The following SDHAF4 variants were observed in gnomAD, a reference collection of about 807,000 sequenced individuals.
SDHAF4 encodes succinate dehydrogenase complex assembly factor 4.
SDHAF4 carries 14 observed loss-of-function variants against 14.3 expected under a neutral mutation model. The ratio of observed to expected loss-of-function variants is 0.98; its 90% CI spans 0.65 to 1.53. The LOEUF is 1.53. Ranked by LOEUF, SDHAF4 falls within the 40% of genes most tolerant of loss-of-function variation. The pLI is 0.00. For missense variants in SDHAF4, 141 were observed against 129.3 expected (o/e 1.09, Z -0.44); for synonymous variants, 63 against 47.3 (o/e 1.33, Z -1.36).
At chr6:70,586,428 CTTTTTTTTTT>C (rs70990316) in intron 2 of SDHAF4, among the ~76,000 whole-genome samples, 3 of 80,304 alleles carry the variant, frequency 3.7e-5, no homozygotes, top group African/African-American at 5.0e-5. Context: ...ATTTGTTTGC[CTTTTTTTTTT>C]TTTTTTTTTT....
At chr6:70,596,930 T>C in the SDHAF4 span, 1 of 152,234 alleles carries the variant, frequency 6.6e-6, no homozygotes, top group African/African-American at 2.4e-5. Context: ...AATTTGATAA[T>C]TTCAGAACAG....
chr6:70,581,129 C>T (rs1802315831), intron 2 of SDHAF4, among the ~76,000 whole-genome samples: 1 of 152,008 alleles, frequency 6.6e-6, no homozygotes, highest in Non-Finnish European at 1.5e-5. Context: ...GGGGTTTCAC[C>T]ATGTTGGCCA....
intron 2 of SDHAF4, among the ~76,000 whole-genome samples, chr6:70,582,602 T>C (rs943525300): frequency 1.3e-5 from 2 of 152,178 alleles, no homozygotes; most frequent in African/African-American, 4.8e-5. Context: ...TCCTTCGGGA[T>C]TTCCAGTCCA....
Position 70,568,962 on chromosome 6 carries a change from C to CTTTTTTTTT in SDHAF4, c.64+1971_64+1979dup, listed in dbSNP as rs5877254. ...TTTGTGAAATACCTCTTTCTTTTTT[C>CTTTTTTTTT]TTTTTTTTTTTTTTTTTTTTTGAGG... On this transcript the variant is annotated intron_variant, in intron 1 of 2. Transcript: ENST00000370474. Among the ~76,000 whole-genome samples the CTTTTTTTTT allele has an allele frequency of 6.6e-3, 648 of 97,904 alleles. 2 individuals are homozygous for CTTTTTTTTT. The highest frequency in any genetic ancestry group is 7.0e-3 in the Non-Finnish European group (377 of 53,620). 64.2% of individuals were successfully genotyped at this position (97,904 alleles called of 152,430 possible). A position where few individuals can be genotyped will look rare whatever the true frequency, so the allele number is the denominator to read the frequency against.
At chr6:70,570,246 TTTAC>T (rs1802162381) in intron 1 of SDHAF4, among the ~76,000 whole-genome samples, 1 of 152,242 alleles carries the variant, frequency 6.6e-6, no homozygotes, top group Admixed American at 6.5e-5. Flanking sequence ...ATTTAAATAA[TTTAC>T]TTTGCAGATT....
chr6:70,575,339 C>G (rs1053782016), intron 1 of SDHAF4, among the ~76,000 whole-genome samples: 2 of 151,948 alleles, frequency 1.3e-5, no homozygotes, highest in Admixed American at 6.6e-5. Flanking sequence ...GATCGTGCCA[C>G]TGCACTCCAG....
intron 1 of SDHAF4, among the ~76,000 whole-genome samples, chr6:70,568,003 T>G (rs893456114): frequency 6.6e-6 from 1 of 152,218 alleles, no homozygotes; most frequent in Non-Finnish European, 1.5e-5. Context: ...ATAATTTTAA[T>G]ATATGACACC....
downstream of SDHAF4, among the ~76,000 whole-genome samples, chr6:70,594,229 G>A (rs1765282694): frequency 6.6e-6 from 1 of 152,190 alleles, no homozygotes; most frequent in Non-Finnish European, 1.5e-5. Context: ...TAGAATAAAT[G>A]TATTTGTATG....
intron 2 of SDHAF4, among the ~76,000 whole-genome samples, chr6:70,587,563 A>G (rs1765217928): frequency 6.6e-6 from 1 of 152,176 alleles, no homozygotes; most frequent in African/African-American, 2.4e-5. Context: ...TTTTCCATAT[A>G]CAGAGCAGTG....
rs753032870 is a variant in SDHAF4, at chr6:70,566,940, C to T, written c.-1C>T. 5.7e-6 allele frequency: 9 copies of T among 1,581,840 alleles called. No homozygotes were observed. The Admixed American group carries it at 9.0e-5, about 16-fold the overall frequency. The stretch of plus-strand genomic sequence containing the variant: ...GCGCGGAGGCTCGGGGAGTCGGCGC[C>T]ATGACCCCATCGAGGCTTCCCTGGT... On this transcript the variant is annotated 5_prime_UTR_variant, in exon 1 of 3. Coordinates refer to ENST00000370474, the MANE Select transcript of SDHAF4 (RefSeq NM_145267.3).
intron 1 of SDHAF4, among the ~76,000 whole-genome samples, chr6:70,574,120 A>C (rs1263073028): frequency 1.3e-5 from 2 of 151,926 alleles, no homozygotes; most frequent in Admixed American, 1.3e-4. Flanking sequence ...CAGGTGTTCA[A>C]GACCAGCCTG....
At chr6:70,584,440 T>C (rs1765174892) in intron 2 of SDHAF4, among the ~76,000 whole-genome samples, 1 of 152,228 alleles carries the variant, frequency 6.6e-6, no homozygotes, top group East Asian at 1.9e-4. Context: ...TGATCTGTTC[T>C]CTATCACTGT....
intron 1 of SDHAF4, among the ~76,000 whole-genome samples, chr6:70,572,770 A>G (rs951725655): frequency 6.6e-6 from 1 of 151,828 alleles, no homozygotes; most frequent in Non-Finnish European, 1.5e-5. Context: ...CCTTATAATT[A>G]CTGATAAAAT....
the SDHAF4 span, chr6:70,596,876 T>G: frequency 6.6e-6 from 1 of 152,242 alleles, no homozygotes; most frequent in South Asian, 2.1e-4. Flanking sequence ...TAGTTTGCAG[T>G]GAGAAAACTT....
At chr6:70,587,336 A>G (rs545196508) in intron 2 of SDHAF4, among the ~76,000 whole-genome samples, 1 of 151,518 alleles carries the variant, frequency 6.6e-6, no homozygotes, top group East Asian at 2.0e-4. Flanking sequence ...CTAAAAGTAC[A>G]ATTATTAGCC....
intron 2 of SDHAF4, among the ~76,000 whole-genome samples, chr6:70,583,150 T>A (rs915524781): frequency 5.3e-5 from 8 of 152,250 alleles, no homozygotes; most frequent in African/African-American, 1.9e-4. Context: ...TCTCGCTCTG[T>A]CACCCAGGCT....
Position 70,582,929 on chromosome 6 carries a change from A to T in SDHAF4, c.217+3363A>T, listed in dbSNP as rs193231820. Among the ~76,000 whole-genome samples, 532 of 152,300 alleles carry T rather than the reference A, an allele frequency of 3.5e-3. 7 individuals are homozygous for T. Among genetic ancestry groups the T allele is most frequent in the African/African-American group, 0.012 (515 of 41,558 alleles). ...GAAAAGAGTAGATTTCATTATTAAG[A>T]TCATAAAGGAAAATGTTTGTAGCTA... is the stretch of plus-strand genomic sequence containing the variant. On this transcript the variant is annotated intron_variant, in intron 2 of 2. Transcript: ENST00000370474.
In SDHAF4 at chr6:70,566,993, G is replaced by A. The variant is rs758208522; in HGVS notation, c.53G>A (p.Trp18Ter). Residue 18 changes from tryptophan (W) to a stop codon, truncating the protein, a stop_gained, in exon 1 of 3, where the codon TGG (tryptophan) becomes TAG (stop). Coordinates refer to ENST00000370474, the MANE Select transcript of SDHAF4 (RefSeq NM_145267.3). LOFTEE classifies it high-confidence loss of function. ...CTTAGCTGGGTCTCGGCCACGGCGTGGAGAGCGGCAAGTAAGCACCTGGCC... is the reference window on the plus strand; with the variant it reads ...CTTAGCTGGGTCTCGGCCACGGCGTAGAGAGCGGCAAGTAAGCACCTGGCC... ...WLLSWVSATA[W>*]RAARSPLLCH... is the part of the protein sequence containing the mutation. 1.3e-6 allele frequency: 2 copies of A among 1,589,508 alleles called. No individual in the cohort carries two copies. Among genetic ancestry groups the A allele is most frequent in the East Asian group, 2.3e-5 (1 of 43,682 alleles).
intron 1 of SDHAF4, among the ~76,000 whole-genome samples, chr6:70,576,079 T>A (rs1008103096): frequency 6.6e-6 from 1 of 152,218 alleles, no homozygotes; most frequent in African/African-American, 2.4e-5. Flanking sequence ...ACGCCCTTGT[T>A]TCTTTTGCTC....
Sources: gnomAD v4.1 joint callset for allele counts (sites outside exome capture counted in the v4.1 genomes callset) on GRCh38, gnomAD v4.1.1 for gene constraint, MANE v1.5 for transcripts, NCBI Gene and HGNC (gene_info 2026-07-23, HGNC 2026-07-21) for gene names.